Variants in ATP6V0A2 observed in about 807,000 individuals in gnomAD.
The protein encoded by ATP6V0A2 is ATPase H+ transporting V0 subunit a2.
Under a neutral mutation model 104.4 loss-of-function variants are expected in ATP6V0A2, and 58 were observed. That is an observed-to-expected ratio of 0.56 (90% CI 0.45 to 0.69). The LOEUF is 0.69. ATP6V0A2 is among the 30% of genes least tolerant of loss of function. The pLI is 0.00. For missense variants in ATP6V0A2, 938 were observed against 1,062.9 expected (o/e 0.88, Z 1.63); for synonymous variants, 376 against 397.9 (o/e 0.95, Z 0.65).
intron 6 of ATP6V0A2, among the ~76,000 whole-genome samples, chr12:123,729,558 G>A (rs1956481245): frequency 6.6e-6 from 1 of 152,046 alleles, no homozygotes; most frequent in Non-Finnish European, 1.5e-5. Context: ...AAGGGAGGGT[G>A]GAGGCAGCGG....
intron 13 of ATP6V0A2, 111 bp downstream of exon 13, chr12:123,745,083 G>A: frequency 3.6e-6 from 4 of 1,105,424 alleles, no homozygotes; most frequent in Non-Finnish European, 5.4e-6. Flanking sequence ...GCCCTGAGCG[G>A]GAGGTGCTCA....
At chr12:123,748,404 C>T (rs145605813) in intron 14 of ATP6V0A2, among the ~76,000 whole-genome samples, 171 bp from the exon 15 acceptor site, 351 of 152,342 alleles carry the variant, frequency 2.3e-3, no homozygotes, top group African/African-American at 7.8e-3. Flanking sequence ...GCCGACCTCA[C>T]GTCTCTTCCT....
At chr12:123,717,485 C>T (rs1956355566) in intron 1 of ATP6V0A2, among the ~76,000 whole-genome samples, 1 of 148,806 alleles carries the variant, frequency 6.7e-6, no homozygotes, top group African/African-American at 2.5e-5. Context: ...TGCTTTGTCA[C>T]CCAGGCTAGA....
At chr12:123,735,693 T>C in intron 8 of ATP6V0A2, 69 bp downstream of exon 8, 1 of 1,274,690 alleles carries the variant, frequency 7.8e-7, no homozygotes, top group South Asian at 1.2e-5. Flanking sequence ...ATATTTTCTC[T>C]CTTTTTTAAC....
intron 1 of ATP6V0A2, among the ~76,000 whole-genome samples, chr12:123,716,788 CAAAA>C (rs376468660): frequency 8.6e-5 from 11 of 127,780 alleles, no homozygotes; most frequent in Non-Finnish European, 1.5e-4. Context: ...GATCCTGTCT[CAAAA>C]AAAAAAAAAA....
intron 1 of ATP6V0A2, among the ~76,000 whole-genome samples, chr12:123,714,791 A>G (rs1593880179): frequency 6.6e-6 from 1 of 152,256 alleles, no homozygotes; most frequent in East Asian, 1.9e-4. Context: ...AGAAAAAAAA[A>G]GTTAATATGT....
At chr12:123,730,143 C>T (rs1956488323) in intron 6 of ATP6V0A2, among the ~76,000 whole-genome samples, 1 of 150,896 alleles carries the variant, frequency 6.6e-6, no homozygotes, top group Admixed American at 6.6e-5. Flanking sequence ...CAAGCTCCGC[C>T]TCCTGGGTTC....
intron 13 of ATP6V0A2, 68 bp downstream of exon 13, chr12:123,745,040 A>C: frequency 6.9e-7 from 1 of 1,449,208 alleles, no homozygotes. Context: ...GGGCGCCACG[A>C]GTTTCTCTAG....
intron 1 of ATP6V0A2, among the ~76,000 whole-genome samples, chr12:123,716,788 CA>C (rs376468660): frequency 0.038 from 4,888 of 127,710 alleles, 220 homozygotes; most frequent in African/African-American, 0.12. Context: ...GATCCTGTCT[CA>C]AAAAAAAAAA....
chr12:123,752,040 G>C (rs1368319442), intron 16 of ATP6V0A2, among the ~76,000 whole-genome samples: 1 of 151,750 alleles, frequency 6.6e-6, no homozygotes, highest in Non-Finnish European at 1.5e-5. Flanking sequence ...TGTATTTTTT[G>C]TAAAAGACGG....
At chr12:123,728,239 T>G (rs2135891275) in intron 6 of ATP6V0A2, among the ~76,000 whole-genome samples, 1 of 152,230 alleles carries the variant, frequency 6.6e-6, no homozygotes, top group African/African-American at 2.4e-5. Flanking sequence ...GTCATGTCTC[T>G]CTCTTTTTTT....
rs765673040 is a variant in ATP6V0A2, at chr12:123,752,347, T to C, written c.2120T>C (p.Ile707Thr). Residue 707 changes from isoleucine to threonine, a missense_variant, in exon 17 of 20, where the codon ATA becomes ACA. Physicochemically the swap from Ile to Thr is moderately conservative, Grantham distance 89. Coordinates refer to ENST00000330342, the MANE Select transcript of ATP6V0A2 (RefSeq NM_012463.4). ...EEVSLLGSQD[I>T]EEGNHQVEDG... ...GTTTCATTGCTGGGAAGCCAAGATA[T>C]AGAAGAGGGAAATCACCAGGTGGAA... is the stretch of plus-strand genomic sequence containing the variant. 22 of 1,614,020 alleles carry C rather than the reference T, an allele frequency of 1.4e-5. No homozygotes were observed. The highest frequency in any genetic ancestry group is 1.7e-5 in the Non-Finnish European group (20 of 1,180,010).
At chr12:123,721,673 T>G (rs1956401365) in intron 2 of ATP6V0A2, 1 of 197,692 alleles carries the variant, frequency 5.1e-6, no homozygotes, top group African/African-American at 2.3e-5. Context: ...CCCCCCAGGC[T>G]GCCGAGGGCA....
At chr12:123,740,397 G>C (rs528749875) in intron 9 of ATP6V0A2, among the ~76,000 whole-genome samples, 1 of 152,038 alleles carries the variant, frequency 6.6e-6, no homozygotes, top group African/African-American at 2.4e-5. Flanking sequence ...TTTTAGTAGC[G>C]ATGGGGTTTC....
chr12:123,712,443 C>T lies in ATP6V0A2; in HGVS notation c.-123C>T, dbSNP rs1956301379. On this transcript the variant is annotated 5_prime_UTR_variant, in exon 1 of 20. Coordinates refer to ENST00000330342, the MANE Select transcript of ATP6V0A2 (RefSeq NM_012463.4). ...CGCTGCAGTCTGGAGCCCCATAGTGCGGGGCCGCGGCCAGGCCACAGGAAG... is the reference window on the plus strand; with the variant it reads ...CGCTGCAGTCTGGAGCCCCATAGTGTGGGGCCGCGGCCAGGCCACAGGAAG... The T allele has an allele frequency of 3.6e-6, 2 of 550,354 alleles. No individual in the cohort carries two copies. The highest frequency in any genetic ancestry group is 4.4e-5 in the Admixed American group (1 of 22,690). The allele number at this position is 550,354 out of a possible 1,614,324, so 34.1% of individuals were successfully genotyped here.
chr12:123,752,016 G>A (rs777750792), intron 16 of ATP6V0A2, among the ~76,000 whole-genome samples: 16 of 151,706 alleles, frequency 1.1e-4, no homozygotes, highest in Non-Finnish European at 1.9e-4. Context: ...CCGCCACCAC[G>A]CCCTGCTAAT....
chr12:123,744,650 C>G lies in ATP6V0A2; in HGVS notation c.1380C>G (p.Phe460Leu). 1 of 1,613,892 alleles carries G rather than the reference C, an allele frequency of 6.2e-7. No individual in the cohort carries two copies. Among genetic ancestry groups the G allele is most frequent in the Non-Finnish European group, 8.5e-7 (1 of 1,180,020 alleles). ...ACATCCTCCTGCTGATGGGGCTGTTCTCAGTGTACACTGGCCTCATCTACA... is the reference window on the plus strand; with the variant it reads ...ACATCCTCCTGCTGATGGGGCTGTTGTCAGTGTACACTGGCCTCATCTACA... ...GRYILLLMGL[F>L]SVYTGLIYND... The change falls in exon 12 of 20, where the codon TTC (phenylalanine) becomes TTG (leucine). Residue 460 changes from phenylalanine (F) to leucine (L), a missense_variant. By Grantham distance (22) the Phe-to-Leu change is conservative. Transcript: ENST00000330342. This position sits in a 1 kb window ranked among gnomAD's most constrained non-coding sequence, Gnocchi z 5.4.
At chr12:123,741,921 A>G (rs1380472798) in intron 9 of ATP6V0A2, among the ~76,000 whole-genome samples, 1 of 151,718 alleles carries the variant, frequency 6.6e-6, no homozygotes, top group Non-Finnish European at 1.5e-5. Context: ...TCTTTTTTTT[A>G]TTTTTTGTGT....
intron 9 of ATP6V0A2, among the ~76,000 whole-genome samples, chr12:123,738,110 T>TCG (rs1436652788): frequency 6.6e-6 from 1 of 152,210 alleles, no homozygotes; most frequent in Non-Finnish European, 1.5e-5. Flanking sequence ...TTTTTTTTGT[T>TCG]TAAGAGCCTT....
Sources: allele counts gnomAD v4.1 joint callset (sites outside exome capture counted in the v4.1 genomes callset), GRCh38; gene constraint gnomAD v4.1.1; non-coding constraint Gnocchi (gnomAD v3.1); transcripts MANE v1.5; gene names NCBI Gene and HGNC (gene_info 2026-07-23, HGNC 2026-07-21).